Variants in PHF24 observed in about 807,000 individuals in gnomAD.
PHF24 encodes the protein Galpha inhibitory interacting protein.
A neutral mutation model predicts 42.6 loss-of-function variants in PHF24; 25 were observed. The observed-to-expected ratio is 0.59, with a 90% confidence interval of 0.43 to 0.82. The LOEUF is 0.82. Among genes scored for constraint, PHF24 ranks in the 40% least tolerant of loss-of-function variants. The pLI is 0.00. For missense variants in PHF24, 470 were observed against 538.1 expected (o/e 0.87, Z 1.25); for synonymous variants, 185 against 204.8 (o/e 0.90, Z 0.83).
At chr9:34,706,457 C>T in the PHF24 span, among the ~76,000 whole-genome samples, 24 of 151,978 alleles carry the variant, frequency 1.6e-4, no homozygotes, top group Non-Finnish European at 3.2e-4. Context: ...TCAGAATAAA[C>T]CTTTTGGTAC....
chr9:34,965,442 T>G (rs1394052359), intron 1 of PHF24, among the ~76,000 whole-genome samples: 1 of 152,250 alleles, frequency 6.6e-6, no homozygotes, highest in African/African-American at 2.4e-5. Flanking sequence ...TAAAATGGTC[T>G]ACAAGATTGA....
chr9:34,794,342 A>G, the PHF24 span, among the ~76,000 whole-genome samples: 2 of 152,342 alleles, frequency 1.3e-5, no homozygotes, highest in Admixed American at 1.3e-4. Flanking sequence ...GTCTGCTAAA[A>G]TTAAAACATT....
the PHF24 span, among the ~76,000 whole-genome samples, chr9:34,880,246 G>A: frequency 9.2e-5 from 14 of 151,492 alleles, no homozygotes; most frequent in African/African-American, 2.7e-4. Context: ...CTGCAAAAAC[G>A]TGCCAAATTG....
At chr9:34,720,415 G>A in the PHF24 span, among the ~76,000 whole-genome samples, 4 of 146,380 alleles carry the variant, frequency 2.7e-5, no homozygotes, top group Admixed American at 7.0e-5. Flanking sequence ...ACTGCAGCCC[G>A]CAGTCCGGCC....
At chr9:34,708,334 G>A in the PHF24 span, among the ~76,000 whole-genome samples, 1 of 152,162 alleles carries the variant, frequency 6.6e-6, no homozygotes, top group South Asian at 2.1e-4. Flanking sequence ...GAAAAAAAAA[G>A]GGAGGAGGTT....
chr9:34,860,784 C>T, the PHF24 span, among the ~76,000 whole-genome samples: 3 of 151,954 alleles, frequency 2.0e-5, no homozygotes, highest in African/African-American at 7.3e-5. Flanking sequence ...CAAGTTGCAT[C>T]CACTTTGGAT....
At chr9:34,915,177 T>C in the PHF24 span, among the ~76,000 whole-genome samples, 1 of 151,750 alleles carries the variant, frequency 6.6e-6, no homozygotes, top group Non-Finnish European at 1.5e-5. Context: ...GGACTACAGG[T>C]GCATACCACC....
At chr9:34,692,729 CT>C in the PHF24 span, among the ~76,000 whole-genome samples, 1 of 151,362 alleles carries the variant, frequency 6.6e-6, no homozygotes, top group African/African-American at 2.4e-5. Flanking sequence ...GAGTAAAGCC[CT>C]TAGCTTAGAG....
At chr9:34,720,595 A>G in the PHF24 span, among the ~76,000 whole-genome samples, 8 of 152,132 alleles carry the variant, frequency 5.3e-5, no homozygotes, top group Non-Finnish European at 1.2e-4. Flanking sequence ...GCTGTCCAAA[A>G]TCGATGTCCC....
the PHF24 span, among the ~76,000 whole-genome samples, chr9:34,683,142 C>A: frequency 9.9e-5 from 15 of 151,982 alleles, no homozygotes; most frequent in East Asian, 3.9e-4. Flanking sequence ...CTCACTGCAA[C>A]CTTTGCCTCC....
chr9:34,700,239 T>C, the PHF24 span, among the ~76,000 whole-genome samples: 1 of 152,116 alleles, frequency 6.6e-6, no homozygotes, highest in African/African-American at 2.4e-5. Context: ...TATTGGAAGG[T>C]ATTGAACAAG....
chr9:34,768,120 C>T, the PHF24 span, among the ~76,000 whole-genome samples: 2 of 152,180 alleles, frequency 1.3e-5, no homozygotes, highest in African/African-American at 4.8e-5. Context: ...CATGCGCATA[C>T]TACATTATTT....
the PHF24 span, among the ~76,000 whole-genome samples, chr9:34,685,762 G>A: frequency 2.6e-5 from 4 of 152,198 alleles, no homozygotes; most frequent in Admixed American, 2.6e-4. Flanking sequence ...ACTCAGCTTG[G>A]AGACTCGCAC....
At chr9:34,756,181 C>A in the PHF24 span, among the ~76,000 whole-genome samples, 1 of 152,162 alleles carries the variant, frequency 6.6e-6, no homozygotes, top group African/African-American at 2.4e-5. Flanking sequence ...CTCACTGCAA[C>A]CTCTGCCTCC....
chr9:34,974,044 T>C (rs1827101769), intron 3 of PHF24, among the ~76,000 whole-genome samples: 1 of 152,190 alleles, frequency 6.6e-6, no homozygotes, highest in Admixed American at 6.5e-5. Flanking sequence ...TCTCACTGTG[T>C]CACCTGGCTG....
chr9:34,848,173 T>C, the PHF24 span, among the ~76,000 whole-genome samples: 1 of 151,580 alleles, frequency 6.6e-6, no homozygotes. Flanking sequence ...TCAGAAGGAA[T>C]GGTACCAGTT....
the PHF24 span, among the ~76,000 whole-genome samples, chr9:34,676,316 G>T: frequency 6.6e-6 from 1 of 152,200 alleles, no homozygotes; most frequent in Non-Finnish European, 1.5e-5. Context: ...TTGAGCCCAG[G>T]AGTTCAAGAC....
chr9:34,710,448 T>A, the PHF24 span, among the ~76,000 whole-genome samples: 2 of 151,312 alleles, frequency 1.3e-5, no homozygotes, highest in South Asian at 4.2e-4. Context: ...CAAATCTGAT[T>A]ATTAAATTGT....
the PHF24 span, among the ~76,000 whole-genome samples, chr9:34,740,422 G>T: frequency 2.0e-5 from 3 of 152,242 alleles, no homozygotes; most frequent in African/African-American, 7.2e-5. Context: ...CGAGCGCAGC[G>T]CCGGTGGGCG....
Sources: gnomAD v4.1 joint callset for allele counts (sites outside exome capture counted in the v4.1 genomes callset) on GRCh38, gnomAD v4.1.1 for gene constraint, MANE v1.5 for transcripts, NCBI Gene and HGNC (gene_info 2026-07-23, HGNC 2026-07-21) for gene names.